Variants in PDE1C observed in about 807,000 individuals in gnomAD.
PDE1C encodes the protein phosphodiesterase 1C.
In PDE1C, 62 loss-of-function variants were observed where a neutral mutation model predicts 93.1. The observed-to-expected ratio is 0.67, with a 90% CI of 0.54 to 0.82. The LOEUF is 0.82. Ranked by LOEUF, PDE1C falls within the 40% of genes least tolerant of loss-of-function variation. The probability of loss-of-function intolerance (pLI) is 0.00; values close to 1 mark genes in which losing one functional copy is unlikely to be tolerated. For synonymous variants in PDE1C, 325 were observed against 310.1 expected (o/e 1.05, Z -0.50); for missense variants, 742 against 884.6 (o/e 0.84, Z 2.04).
intron 2 of PDE1C, among the ~76,000 whole-genome samples, chr7:32,011,693 T>C (rs1318066795): frequency 6.6e-6 from 1 of 152,196 alleles, no homozygotes; most frequent in African/African-American, 2.4e-5. Flanking sequence ...TTGACAAGGA[T>C]ATGGAGCGAC....
chr7:31,966,144 A>T (rs1809919468), intron 2 of PDE1C, among the ~76,000 whole-genome samples: 2 of 152,204 alleles, frequency 1.3e-5, no homozygotes, highest in Admixed American at 6.5e-5. Flanking sequence ...AAATATTCCA[A>T]TTAAAAGGCA....
At chr7:32,335,459 A>G (rs191723091) in intron 1 of PDE1C, among the ~76,000 whole-genome samples, 126 of 152,372 alleles carry the variant, frequency 8.3e-4, no homozygotes, top group Non-Finnish European at 1.5e-3. Flanking sequence ...TGAGTGGCTT[A>G]AAGAATGGAA....
intron 2 of PDE1C, among the ~76,000 whole-genome samples, chr7:32,017,248 A>G (rs997553104): frequency 2.0e-5 from 3 of 152,214 alleles, no homozygotes; most frequent in African/African-American, 7.2e-5. Context: ...TGAGAAAATA[A>G]TGGTCTTTTC....
At chr7:32,381,320 T>C (rs460841) in intron 1 of PDE1C, among the ~76,000 whole-genome samples, 145,493 of 151,840 alleles carry the variant, frequency 0.96, 69,806 homozygotes, top group East Asian at 1. Context: ...CCACCTGCGT[T>C]TTCACTCTGC....
intron 2 of PDE1C, among the ~76,000 whole-genome samples, chr7:32,206,600 G>A (rs1026758147): frequency 6.6e-6 from 1 of 152,182 alleles, no homozygotes; most frequent in Non-Finnish European, 1.5e-5. Context: ...CTGAGCAGGG[G>A]AGATCAGCTG....
chr7:32,095,930 C>T (rs771020804), intron 3 of PDE1C, among the ~76,000 whole-genome samples: 3 of 152,180 alleles, frequency 2.0e-5, no homozygotes, highest in Non-Finnish European at 4.4e-5. Flanking sequence ...CCAACATCGA[C>T]CCCATGCTTA....
intron 3 of PDE1C, among the ~76,000 whole-genome samples, chr7:32,080,424 TC>T (rs1453734451): frequency 6.6e-6 from 1 of 152,168 alleles, no homozygotes; most frequent in Non-Finnish European, 1.5e-5. Context: ...TACATTATAC[TC>T]AAAGAGCAAA....
chr7:32,404,121 A>T (rs1056216250), intron 1 of PDE1C, among the ~76,000 whole-genome samples: 3 of 152,116 alleles, frequency 2.0e-5, no homozygotes, highest in Non-Finnish European at 2.9e-5. Flanking sequence ...TGGACCTGAG[A>T]CCTTGGGCAT....
At chr7:32,407,099 C>A (rs1006089754) in intron 1 of PDE1C, among the ~76,000 whole-genome samples, 2 of 152,130 alleles carry the variant, frequency 1.3e-5, no homozygotes, top group African/African-American at 4.8e-5. Flanking sequence ...CATGGTGAAA[C>A]CCTGCCTCTA....
the PDE1C span, among the ~76,000 whole-genome samples, chr7:31,634,692 GA>G: frequency 1.3e-5 from 2 of 152,090 alleles, no homozygotes; most frequent in Non-Finnish European, 2.9e-5. Flanking sequence ...AAGGAGGCAT[GA>G]AAAAAATTGT....
intron 2 of PDE1C, among the ~76,000 whole-genome samples, chr7:31,963,362 T>A (rs1358244584): frequency 1.3e-5 from 2 of 152,212 alleles, no homozygotes; most frequent in African/African-American, 4.8e-5. Flanking sequence ...AAACATTTAT[T>A]TAGGGATGAA....
chr7:32,149,423 A>G (rs536939413), intron 3 of PDE1C, among the ~76,000 whole-genome samples: 34 of 152,340 alleles, frequency 2.2e-4, no homozygotes, highest in African/African-American at 7.5e-4. Context: ...GGGCAATTCC[A>G]CAAATTCTGC....
chr7:31,748,646 TTAAAAA>T (rs1418151911), downstream of PDE1C, among the ~76,000 whole-genome samples: 4 of 152,224 alleles, frequency 2.6e-5, no homozygotes, highest in Non-Finnish European at 4.4e-5. Context: ...TAGATCAGTC[TTAAAAA>T]TAAAACCACT....
chr7:32,128,674 T>A (rs188560126), intron 3 of PDE1C, among the ~76,000 whole-genome samples: 1 of 151,694 alleles, frequency 6.6e-6, no homozygotes, highest in Admixed American at 6.6e-5. Context: ...TCTCATAAAC[T>A]ACTAGTAACA....
At chr7:32,016,919 TA>T (rs1787984160) in intron 2 of PDE1C, among the ~76,000 whole-genome samples, 1 of 152,174 alleles carries the variant, frequency 6.6e-6, no homozygotes, top group South Asian at 2.1e-4. Flanking sequence ...GCATGATGTC[TA>T]AAAACAGAGA....
At chr7:32,069,780 C>G (rs6976595) in intron 1 of PDE1C, among the ~76,000 whole-genome samples, 11,144 of 152,138 alleles carry the variant, frequency 0.073, 438 homozygotes, top group African/African-American at 0.091. Flanking sequence ...AAACATTTCT[C>G]CACCAAAAAG....
At chr7:31,817,548 C>G (rs1008438791) in intron 14 of PDE1C, among the ~76,000 whole-genome samples, 3 of 152,152 alleles carry the variant, frequency 2.0e-5, no homozygotes, top group Non-Finnish European at 4.4e-5. Flanking sequence ...AGAGACTCAT[C>G]CCATGCAGCG....
intron 2 of PDE1C, among the ~76,000 whole-genome samples, chr7:32,203,408 C>T (rs1805172056): frequency 2.0e-5 from 3 of 152,018 alleles, no homozygotes; most frequent in Admixed American, 2.0e-4. Context: ...GTGCTGCCTC[C>T]CTCTATTTCA....
At chr7:32,273,052 G>C (rs1479506748) in intron 1 of PDE1C, among the ~76,000 whole-genome samples, 3 of 152,182 alleles carry the variant, frequency 2.0e-5, no homozygotes, top group African/African-American at 7.2e-5. Flanking sequence ...AGATGGAGGT[G>C]ACGGTGTTTC....
Sources: gnomAD v4.1 joint callset for allele counts (sites outside exome capture counted in the v4.1 genomes callset) on GRCh38, gnomAD v4.1.1 for gene constraint, MANE v1.5 for transcripts, NCBI Gene and HGNC (gene_info 2026-07-23, HGNC 2026-07-21) for gene names.